The following ETV6 variants were observed in gnomAD, a reference collection of about 807,000 sequenced individuals.
The protein encoded by ETV6 is ETS variant transcription factor 6.
In ETV6, 16 loss-of-function variants were observed where a neutral mutation model predicts 51.1. That is an observed-to-expected ratio of 0.31 (90% CI 0.21 to 0.48). The LOEUF (loss-of-function observed/expected upper bound fraction) is 0.48, where lower values mean the gene tolerates loss of function less well. ETV6 is among the 20% of genes least tolerant of loss of function. The pLI is 0.99. For synonymous variants in ETV6, 240 were observed against 224.1 expected, an observed-to-expected ratio of 1.07 and a Z score of -0.64; for missense variants, 458 against 594.8, an observed-to-expected ratio of 0.77 and a Z score of 2.39.
chr12:11,680,975 A>G (rs1431844534), intron 1 of ETV6, among the ~76,000 whole-genome samples: 1 of 152,160 alleles, frequency 6.6e-6, no homozygotes, highest in African/African-American at 2.4e-5. Flanking sequence ...GCACCATCAT[A>G]TATAGGTAGG....
At chr12:11,792,176 G>C (rs533162846) in intron 2 of ETV6, among the ~76,000 whole-genome samples, 1 of 152,298 alleles carries the variant, frequency 6.6e-6, no homozygotes, top group East Asian at 1.9e-4. Flanking sequence ...AGAACACTTA[G>C]GCAGTATGTT....
intron 1 of ETV6, among the ~76,000 whole-genome samples, chr12:11,707,541 A>G (rs1260967587): frequency 6.6e-6 from 1 of 152,184 alleles, no homozygotes; most frequent in Non-Finnish European, 1.5e-5. Flanking sequence ...TCTAAATGTG[A>G]GAAATGTCGG....
intron 2 of ETV6, among the ~76,000 whole-genome samples, chr12:11,757,154 T>G (rs1476039897): frequency 6.6e-6 from 1 of 152,190 alleles, no homozygotes; most frequent in East Asian, 1.9e-4. Context: ...CCCTTGGCTC[T>G]CTTTCCTTTC....
intron 1 of ETV6, among the ~76,000 whole-genome samples, chr12:11,686,536 C>G (rs1864631297): frequency 6.6e-6 from 1 of 151,592 alleles, no homozygotes; most frequent in African/African-American, 2.4e-5. Flanking sequence ...ACTGTCATGA[C>G]TTTTTTTTTG....
chr12:11,816,218 T>C (rs1407017122), intron 2 of ETV6, among the ~76,000 whole-genome samples: 3 of 152,202 alleles, frequency 2.0e-5, no homozygotes, highest in Non-Finnish European at 4.4e-5. Flanking sequence ...TCTGAAAATA[T>C]TTAAGCAAAA....
rs76127717 is a variant in ETV6, at chr12:11,808,444, CAAAA to C, written c.164-30687_164-30684del. Among the ~76,000 whole-genome samples, 444 of 135,900 alleles carry C rather than the reference CAAAA, an allele frequency of 3.3e-3. 1 individual carries two copies. Among genetic ancestry groups the C allele is most frequent in the African/African-American group, 0.011 (421 of 37,294 alleles). The allele number at this position is 135,900 out of a possible 152,430, so 89.2% of individuals were successfully genotyped here. A position where few individuals can be genotyped will look rare whatever the true frequency, so the allele number is the denominator to read the frequency against. ...AGAAAATATTCAGAAAAACAAAAAA[CAAAA>C]AAAAAAAACCCACAAATGCAACAAT... On this transcript the variant is annotated intron_variant, in intron 2 of 7. Coordinates refer to ENST00000396373, the MANE Select transcript of ETV6 (RefSeq NM_001987.5).
intron 2 of ETV6, among the ~76,000 whole-genome samples, chr12:11,813,208 A>T (rs559741143): frequency 4.0e-4 from 61 of 152,352 alleles, no homozygotes; most frequent in African/African-American, 1.4e-3. Flanking sequence ...AGAGACTTGG[A>T]TTGGACTGAG....
At chr12:11,681,449 G>A (rs557532395) in intron 1 of ETV6, among the ~76,000 whole-genome samples, 1 of 151,212 alleles carries the variant, frequency 6.6e-6, no homozygotes, top group African/African-American at 2.4e-5. Context: ...CTGAAATTAA[G>A]AATGAAAATT....
chr12:11,747,775 C>T (rs1267823747), intron 1 of ETV6, among the ~76,000 whole-genome samples: 1 of 152,184 alleles, frequency 6.6e-6, no homozygotes, highest in Non-Finnish European at 1.5e-5. Context: ...CTCTAGAGCT[C>T]AAATTTCAGC....
intron 2 of ETV6, among the ~76,000 whole-genome samples, chr12:11,827,645 CAGG>C (rs1197367899): frequency 6.6e-6 from 1 of 152,030 alleles, no homozygotes; most frequent in East Asian, 1.9e-4. Flanking sequence ...TAAAATTTCG[CAGG>C]AGAATAGAGA....
intron 2 of ETV6, among the ~76,000 whole-genome samples, chr12:11,819,009 C>T (rs1591696107): frequency 6.6e-6 from 1 of 152,192 alleles, no homozygotes. Flanking sequence ...CCTCAGCCTC[C>T]CCAGTGGGCT....
intron 7 of ETV6, 150 bp downstream of exon 7, chr12:11,886,176 T>G: frequency 4.7e-6 from 3 of 640,386 alleles, no homozygotes; most frequent in Non-Finnish European, 8.4e-6. Context: ...GGTACTGGTT[T>G]GTTAGGATTT....
intron 2 of ETV6, among the ~76,000 whole-genome samples, chr12:11,837,809 T>C (rs1946337488): frequency 6.6e-6 from 1 of 152,246 alleles, no homozygotes; most frequent in South Asian, 2.1e-4. Context: ...ATCCAGCTTC[T>C]TCTGACCCAG....
At chr12:11,849,674 A>G (rs1183667116) in intron 3 of ETV6, among the ~76,000 whole-genome samples, 1 of 152,190 alleles carries the variant, frequency 6.6e-6, no homozygotes, top group East Asian at 1.9e-4. Flanking sequence ...ACTTTCTATC[A>G]ACTAGAGCTG....
At chr12:11,741,799 TC>T (rs1450295602) in intron 1 of ETV6, among the ~76,000 whole-genome samples, 1 of 152,198 alleles carries the variant, frequency 6.6e-6, no homozygotes, top group Non-Finnish European at 1.5e-5. Context: ...TGAAAGAGAA[TC>T]CTTTAACATA....
rs1480545257 is a variant in ETV6, at chr12:11,881,990, C to T, written c.1010-2455C>T. 1.1e-4 allele frequency among the ~76,000 whole-genome samples: 16 copies of T among 152,240 alleles called. No individual in the cohort carries two copies. In the South Asian group the frequency reaches 2.9e-3, roughly 28 times the overall value. ...AATACAGAATGCAGCCATGGCAAGA[C>T]GGGGTGGGCAATAGAAGTGGCTGGA... On this transcript the variant is annotated intron_variant, in intron 5 of 7. Transcript: ENST00000396373.
At chr12:11,693,867 G>T (rs966497287) in intron 1 of ETV6, among the ~76,000 whole-genome samples, 1 of 152,310 alleles carries the variant, frequency 6.6e-6, no homozygotes, top group Admixed American at 6.5e-5. Context: ...AGGGAGTGAT[G>T]ATTTCAGGGA....
intron 5 of ETV6, among the ~76,000 whole-genome samples, chr12:11,878,454 G>C (rs1285554371): frequency 6.6e-6 from 1 of 152,146 alleles, no homozygotes; most frequent in Non-Finnish European, 1.5e-5. Context: ...GAGCAAAGCG[G>C]AGGCTGGGCC....
At chr12:11,885,442 G>T (rs1947169364) in intron 6 of ETV6, among the ~76,000 whole-genome samples, 1 of 152,136 alleles carries the variant, frequency 6.6e-6, no homozygotes, top group Non-Finnish European at 1.5e-5. Flanking sequence ...CTGTATTCTT[G>T]CTTCCACAAC....
Sources: gnomAD v4.1 joint callset for allele counts (sites outside exome capture counted in the v4.1 genomes callset) on GRCh38, gnomAD v4.1.1 for gene constraint, MANE v1.5 for transcripts, NCBI Gene and HGNC (gene_info 2026-07-23, HGNC 2026-07-21) for gene names.